The following ZNF26 variants were observed in gnomAD, a reference collection of about 807,000 sequenced individuals.
ZNF26 encodes the protein zinc finger protein 26, also known as epididymis luminal protein 179.
ZNF26 carries 32 observed loss-of-function variants against 54.9 expected under a neutral mutation model. That is an observed-to-expected ratio of 0.58 (90% CI 0.44 to 0.78). The LOEUF (loss-of-function observed/expected upper bound fraction) is 0.78. ZNF26 is among the 30% of genes least tolerant of loss of function. ZNF26 has a pLI of 0.00. For synonymous variants in ZNF26, 221 were observed against 209.2 expected (o/e 1.06, Z -0.49); for missense variants, 524 against 634.0 (o/e 0.83, Z 1.86).
Position 133,011,606 on chromosome 12 carries a change from C to G in ZNF26, c.*125C>G. Reference sequence around the variant, plus strand: ...AAAAATCAGAGAGGAGAGAGACCAACCATATTTGGGATGAGTGTAAAAGCT... The same window carrying G: ...AAAAATCAGAGAGGAGAGAGACCAAGCATATTTGGGATGAGTGTAAAAGCT... On this transcript the variant is annotated 3_prime_UTR_variant, in exon 4 of 4. Coordinates refer to ENST00000328654, the MANE Select transcript of ZNF26 (RefSeq NM_019591.4). 1.0e-6 allele frequency: 1 copy of G among 970,046 alleles called. No individual in the cohort carries two copies. Among genetic ancestry groups the G allele is most frequent in the Non-Finnish European group, 1.4e-6 (1 of 696,780 alleles). 60.1% of individuals were successfully genotyped at this position (970,046 alleles called of 1,614,324 possible).
In ZNF26 at chr12:133,010,782, CG is replaced by C; in HGVS notation, c.904del (p.Val302LeufsTer10). On this transcript the variant is annotated frameshift_variant, in exon 4 of 4. Transcript: ENST00000328654. LOFTEE classifies it high-confidence loss of function. Reference protein sequence around the residue: ...GKAFSLKSPFVVHQRTHTGVK... With the variant: ...GKAFSLKSPFXVHQRTHTGVK... ...AAGCCTTTAGTTTGAAGTCTCCATT[CG>C]TTGTACACCAGAGAACTCATACAGG... The C allele has an allele frequency of 6.2e-7, 1 of 1,613,902 alleles. No homozygotes were observed. The highest frequency in any genetic ancestry group is 8.5e-7 in the Non-Finnish European group (1 of 1,179,992).
chr12:132,994,080 G>A (rs1428195164), intron 1 of ZNF26, among the ~76,000 whole-genome samples: 3 of 152,116 alleles, frequency 2.0e-5, no homozygotes, highest in Non-Finnish European at 4.4e-5. Context: ...TGGGAACCTG[G>A]TTGAGCTCCT....
Position 133,007,173 on chromosome 12 carries a change from G to T in ZNF26, c.160+5G>T. On this transcript the variant is annotated splice_donor_5th_base_variant and intron_variant, in intron 2 of 3. Transcript: ENST00000328654. ...ATCATAACCTGATATCAGTGGGTAA[G>T]TACTGCGTCTCAATGTTACTCAGAT... The T allele has an allele frequency of 6.2e-7, 1 of 1,613,274 alleles. No individual in the cohort carries two copies. Among genetic ancestry groups the T allele is most frequent in the Non-Finnish European group, 8.5e-7 (1 of 1,179,248 alleles).
Position 132,986,776 on chromosome 12 carries a change from C to T in ZNF26, c.-65C>T. The T allele has an allele frequency of 1.9e-6, 3 of 1,548,382 alleles. No individual in the cohort carries two copies. Among genetic ancestry groups the T allele is most frequent in the Non-Finnish European group, 2.6e-6 (3 of 1,142,568 alleles). The stretch of plus-strand genomic sequence containing the variant: ...CACCTGTCTTCGGGCGGACGCATCC[C>T]TCACGGTCTCTCCGCAGCCCGCGGG... On this transcript the variant is annotated 5_prime_UTR_variant, in exon 1 of 4. Coordinates refer to ENST00000328654, the MANE Select transcript of ZNF26 (RefSeq NM_019591.4).
chr12:133,026,439 G>C lies in ZNF26; in HGVS notation c.*14958G>C, dbSNP rs1220546637. On this transcript the variant is annotated 3_prime_UTR_variant, in exon 4 of 4. Coordinates refer to ENST00000328654, the MANE Select transcript of ZNF26 (RefSeq NM_019591.4). ...TTAGGTAATCAAGTTAAAATAATAA[G>C]TCACTAAATTTTGAGGTGTTCTGTT... is the stretch of plus-strand genomic sequence containing the variant. The C allele has an allele frequency of 6.6e-6, 1 of 150,390 alleles. No individual in the cohort carries two copies. The allele number at this position is 150,390 out of a possible 1,614,324, so 9.3% of individuals were successfully genotyped here.
rs905384782 is a variant in ZNF26, at chr12:133,001,565, C to T, written c.34-5477C>T. The T allele has an allele frequency of 2.4e-5, 22 of 907,830 alleles. No individual in the cohort carries two copies. The South Asian group carries it at 3.1e-4, about 13-fold the overall frequency. The allele number at this position is 907,830 out of a possible 1,614,324, so 56.2% of individuals were successfully genotyped here. A position where few individuals can be genotyped will look rare whatever the true frequency, so the allele number is the denominator to read the frequency against. On this transcript the variant is annotated intron_variant, in intron 1 of 3. Transcript: ENST00000328654. This position sits in a 1 kb window ranked among gnomAD's most constrained non-coding sequence, Gnocchi z 4.7. ...TTCCATGGTGTATGTGATTCTTTCT[C>T]TCACTGCATGCAGACTCACCCAGAA...
At position 133,016,529 on chromosome 12, in the gene ZNF26, GC is replaced by G. The variant is rs1157937828; in HGVS notation, c.*5050del. On this transcript the variant is annotated 3_prime_UTR_variant, in exon 4 of 4. Transcript: ENST00000328654. ...ACTCTGGCTGGGTGCAGTGGCTTAT[GC>G]CTATAATCCCAACACTTTGGGAGGC... 2 of 150,018 alleles carry G rather than the reference GC, an allele frequency of 1.3e-5. No homozygotes were observed. The highest frequency in any genetic ancestry group is 1.5e-5 in the Non-Finnish European group (1 of 67,830). 9.3% of individuals were successfully genotyped at this position (150,018 alleles called of 1,614,324 possible).
At chr12:133,008,125 T>G (rs1299043638) in intron 3 of ZNF26, among the ~76,000 whole-genome samples, 5 of 152,168 alleles carry the variant, frequency 3.3e-5, no homozygotes, top group Non-Finnish European at 1.5e-5. Flanking sequence ...TGTTGTAACA[T>G]CAAAATTGAC....
intron 3 of ZNF26, among the ~76,000 whole-genome samples, chr12:133,008,447 A>C (rs1436905863): frequency 6.6e-6 from 1 of 152,030 alleles, no homozygotes; most frequent in Non-Finnish European, 1.5e-5. Flanking sequence ...TCAACTCCAG[A>C]CATGTGTTAG....
At chr12:132,996,164 T>G (rs1953077439) in intron 1 of ZNF26, among the ~76,000 whole-genome samples, 1 of 152,204 alleles carries the variant, frequency 6.6e-6, no homozygotes, top group African/African-American at 2.4e-5. Flanking sequence ...AGACTCAGTC[T>G]GCCATTCCAG....
rs888035727 is a variant in ZNF26, at chr12:133,021,591, C to T, written c.*10110C>T. The T allele has an allele frequency of 6.2e-5, 9 of 145,204 alleles. No individual in the cohort carries two copies. The highest frequency in any genetic ancestry group is 2.5e-4 in the African/African-American group (9 of 35,364). 9.0% of individuals were successfully genotyped at this position (145,204 alleles called of 1,614,324 possible). ...GAACAACCTGGCCAACATGGTGAAACCCCCGTCTCTACTAAAAATACAAAA... is the reference window on the plus strand; with the variant it reads ...GAACAACCTGGCCAACATGGTGAAATCCCCGTCTCTACTAAAAATACAAAA... On this transcript the variant is annotated 3_prime_UTR_variant, in exon 4 of 4. Coordinates refer to ENST00000328654, the MANE Select transcript of ZNF26 (RefSeq NM_019591.4).
At chr12:132,994,698 T>C (rs1215795267) in intron 1 of ZNF26, among the ~76,000 whole-genome samples, 1 of 152,262 alleles carries the variant, frequency 6.6e-6, no homozygotes, top group African/African-American at 2.4e-5. Flanking sequence ...CATCAGTGTT[T>C]AGGTTGTTTT....
intron 1 of ZNF26, among the ~76,000 whole-genome samples, chr12:132,994,172 A>G (rs1761941704): frequency 6.6e-6 from 1 of 152,192 alleles, no homozygotes; most frequent in African/African-American, 2.4e-5. Flanking sequence ...TTTTAACTTC[A>G]AACATGTACA....
intron 1 of ZNF26, among the ~76,000 whole-genome samples, chr12:132,997,195 G>C (rs1953105480): frequency 6.6e-6 from 1 of 152,192 alleles, no homozygotes; most frequent in African/African-American, 2.4e-5. Flanking sequence ...CCAGAACAGG[G>C]GCTAATCAGA....
Position 133,010,275 on chromosome 12 carries a change from A to C in ZNF26, c.396A>C (p.Gly132=). 3.7e-6 allele frequency: 6 copies of C among 1,614,062 alleles called. No individual in the cohort carries two copies. Among genetic ancestry groups the C allele is most frequent in the Non-Finnish European group, 5.1e-6 (6 of 1,179,996 alleles). ...GACAGAGACTCTATAACACACGTGGAAAAAGTTTGACACAAAACTCAGCTC... is the reference window on the plus strand; with the variant it reads ...GACAGAGACTCTATAACACACGTGGCAAAAGTTTGACACAAAACTCAGCTC... ...SSRQRLYNTR[G]KSLTQNSAPS... is the part of the protein sequence containing the mutation. Residue 132 remains glycine, a synonymous_variant, in exon 4 of 4, where the codon GGA becomes GGC. Transcript: ENST00000328654.
intron 1 of ZNF26, among the ~76,000 whole-genome samples, chr12:133,000,316 G>A (rs1192180291): frequency 2.0e-5 from 3 of 151,520 alleles, no homozygotes; most frequent in Non-Finnish European, 2.9e-5. Flanking sequence ...GTAGTGGCAC[G>A]TTCTCGCTCA....
At chr12:132,997,730 G>C (rs1953119382) in intron 1 of ZNF26, among the ~76,000 whole-genome samples, 1 of 152,162 alleles carries the variant, frequency 6.6e-6, no homozygotes, top group African/African-American at 2.4e-5. Context: ...CTCAGATGAA[G>C]TAAAACAATG....
At position 133,011,105 on chromosome 12, in the gene ZNF26, G is replaced by C. The variant is rs1183178688; in HGVS notation, c.1226G>C (p.Ser409Thr). The change falls in exon 4 of 4, where the codon AGC (serine) becomes ACC (threonine). Residue 409 changes from serine to threonine, a missense_variant. Coordinates refer to ENST00000328654, the MANE Select transcript of ZNF26 (RefSeq NM_019591.4). ...GCSECGKAFS[S>T]KSYLVIHRRT... ...AGTGAATGTGGGAAGGCTTTCAGCA[G>C]CAAGTCATACCTTGTTATACATAGG... is the stretch of plus-strand genomic sequence containing the variant. The C allele has an allele frequency of 1.2e-6, 2 of 1,614,034 alleles. No individual in the cohort carries two copies. The highest frequency in any genetic ancestry group is 1.7e-6 in the Non-Finnish European group (2 of 1,180,024).
chr12:132,999,186 A>G (rs1953155905), intron 1 of ZNF26, among the ~76,000 whole-genome samples: 1 of 152,234 alleles, frequency 6.6e-6, no homozygotes, highest in Admixed American at 6.5e-5. Context: ...TGTCTCAGGC[A>G]GCTGCAAGAC....
Sources: gnomAD v4.1 joint callset for allele counts (sites outside exome capture counted in the v4.1 genomes callset) on GRCh38, gnomAD v4.1.1 for gene constraint, Gnocchi (gnomAD v3.1) non-coding constraint, MANE v1.5 for transcripts, NCBI Gene and HGNC (gene_info 2026-07-23, HGNC 2026-07-21) for gene names.